Variants in PRKN observed in about 807,000 individuals in gnomAD.
PRKN encodes parkin RBR E3 ubiquitin protein ligase.
A neutral mutation model predicts 59.5 loss-of-function variants in PRKN; 56 were observed. The observed-to-expected ratio is 0.94, with a 90% CI of 0.76 to 1.18. PRKN has a LOEUF of 1.18. Ranked by LOEUF, PRKN falls within the 50% of genes most tolerant of loss-of-function variation. PRKN has a pLI of 0.00. For missense variants in PRKN, 657 were observed against 596.4 expected (o/e 1.10, Z -1.06); for synonymous variants, 250 against 222.1 (o/e 1.13, Z -1.12).
At chr6:162,709,699 G>A (rs193140403) in intron 1 of PRKN, among the ~76,000 whole-genome samples, 1 of 152,216 alleles carries the variant, frequency 6.6e-6, no homozygotes, top group Admixed American at 6.5e-5. Flanking sequence ...AACAGTAACT[G>A]GCTAAAATGT....
intron 7 of PRKN, among the ~76,000 whole-genome samples, chr6:161,716,480 C>T (rs6921599): frequency 2.0e-5 from 3 of 152,092 alleles, no homozygotes; most frequent in East Asian, 1.9e-4. Context: ...ATGCTCTTAC[C>T]GTCTCAGCCC....
At chr6:162,537,327 G>A (rs981710637) in intron 1 of PRKN, among the ~76,000 whole-genome samples, 7 of 152,068 alleles carry the variant, frequency 4.6e-5, no homozygotes, top group African/African-American at 1.7e-4. Context: ...ACCTCACTCC[G>A]TAGCCTAAAG....
At chr6:161,874,400 AATATTATATATAAAATAT>A (rs1161545389) in intron 6 of PRKN, among the ~76,000 whole-genome samples, 5,032 of 87,602 alleles carry the variant, frequency 0.057, 140 homozygotes, top group Non-Finnish European at 0.072. Flanking sequence ...TTATATGTAA[AATATTATATATAAAATAT>A]ATATTATATG....
intron 3 of PRKN, among the ~76,000 whole-genome samples, chr6:162,208,544 C>A (rs1785055521): frequency 6.6e-6 from 1 of 152,014 alleles, no homozygotes; most frequent in Non-Finnish European, 1.5e-5. Flanking sequence ...TTTCATTTTT[C>A]ATTTTGAAAA....
intron 6 of PRKN, among the ~76,000 whole-genome samples, chr6:161,796,859 C>T (rs961609700): frequency 3.9e-5 from 6 of 152,186 alleles, no homozygotes; most frequent in Admixed American, 1.3e-4. Flanking sequence ...CTAACTCATG[C>T]ACATATCTTG....
chr6:161,810,485 A>G (rs945565170), intron 6 of PRKN, among the ~76,000 whole-genome samples: 5 of 152,214 alleles, frequency 3.3e-5, no homozygotes, highest in African/African-American at 1.2e-4. Context: ...CTTAAAATTT[A>G]GAGATAAGAG....
chr6:162,496,621 C>T (rs1313717430), intron 1 of PRKN, among the ~76,000 whole-genome samples: 3 of 152,200 alleles, frequency 2.0e-5, no homozygotes, highest in African/African-American at 7.2e-5. Flanking sequence ...GGCTTATACA[C>T]ATGCGTGCAA....
intron 1 of PRKN, among the ~76,000 whole-genome samples, chr6:162,697,536 C>T (rs1429420204): frequency 6.6e-6 from 1 of 151,992 alleles, no homozygotes; most frequent in Non-Finnish European, 1.5e-5. Flanking sequence ...CAGGTTCCAC[C>T]AGATATAGGC....
At position 161,396,988 on chromosome 6, in the gene PRKN, G is replaced by C. The variant is rs1478179905; in HGVS notation, c.1084-10111C>G. The stretch of plus-strand genomic sequence containing the variant: ...TTAACCCTTTATTGTATGTTGAGCA[G>C]TCTCATAGGTGCCCTGCAGGTATAC... On this transcript the variant is annotated intron_variant, in intron 9 of 11. Transcript: ENST00000366898. The surrounding 1 kb of genome is among the most constrained non-coding windows in gnomAD (Gnocchi z 5.4). Among the ~76,000 whole-genome samples, 1 of 152,184 alleles carries C rather than the reference G, an allele frequency of 6.6e-6. No homozygotes were observed. Among genetic ancestry groups the C allele is most frequent in the Non-Finnish European group, 1.5e-5 (1 of 68,046 alleles).
intron 2 of PRKN, among the ~76,000 whole-genome samples, chr6:162,409,870 T>A (rs748481420): frequency 9.2e-5 from 14 of 152,142 alleles, no homozygotes; most frequent in Non-Finnish European, 2.1e-4. Flanking sequence ...AGTAGTTCAG[T>A]CACATGGGAG....
chr6:161,551,753 T>C lies in PRKN; in HGVS notation c.934-2750A>G, dbSNP rs1044824055. ...AGCAGAGATCGGGGAGGCCATTGGATAGGACTCTGGGGTTGTAAAGGATTT... is the reference window on the plus strand; with the variant it reads ...AGCAGAGATCGGGGAGGCCATTGGACAGGACTCTGGGGTTGTAAAGGATTT... On this transcript the variant is annotated intron_variant, in intron 8 of 11. Coordinates refer to ENST00000366898, the MANE Select transcript of PRKN (RefSeq NM_004562.3). This position sits in a 1 kb window ranked among gnomAD's most constrained non-coding sequence, Gnocchi z 5.2. Among the ~76,000 whole-genome samples, 6 of 152,114 alleles carry C rather than the reference T, an allele frequency of 3.9e-5. No homozygotes were observed. Among genetic ancestry groups the C allele is most frequent in the African/African-American group, 1.4e-4 (6 of 41,414 alleles).
At chr6:162,055,727 G>A (rs1356978683) in intron 4 of PRKN, among the ~76,000 whole-genome samples, 2 of 152,122 alleles carry the variant, frequency 1.3e-5, no homozygotes, top group African/African-American at 2.4e-5. Flanking sequence ...TACTACCGAC[G>A]ACGTTTGGAC....
intron 1 of PRKN, among the ~76,000 whole-genome samples, chr6:162,708,542 A>C (rs1301318718): frequency 2.0e-5 from 3 of 152,370 alleles, no homozygotes; most frequent in Admixed American, 6.5e-5. Context: ...CTGATTCTTA[A>C]CAGTGATGAA....
intron 2 of PRKN, among the ~76,000 whole-genome samples, chr6:162,346,903 A>T (rs1784426586): frequency 6.6e-6 from 1 of 151,898 alleles, no homozygotes; most frequent in Non-Finnish European, 1.5e-5. Context: ...ATATGTGTCT[A>T]TATCTATTTC....
At chr6:162,080,843 A>G (rs959493975) in intron 4 of PRKN, among the ~76,000 whole-genome samples, 3 of 152,052 alleles carry the variant, frequency 2.0e-5, no homozygotes, top group Admixed American at 1.3e-4. Flanking sequence ...GAACCTTCAA[A>G]ACTGGAGTCA....
At chr6:161,974,522 T>G (rs1780951047) in intron 5 of PRKN, among the ~76,000 whole-genome samples, 1 of 152,190 alleles carries the variant, frequency 6.6e-6, no homozygotes, top group Non-Finnish European at 1.5e-5. Flanking sequence ...TTCTTCACTT[T>G]TTTCTGTTCT....
At chr6:162,200,823 C>A (rs1176869853) in intron 4 of PRKN, among the ~76,000 whole-genome samples, 3 of 152,158 alleles carry the variant, frequency 2.0e-5, no homozygotes, top group Admixed American at 6.5e-5. Context: ...ATGGTCCCTT[C>A]TAATCACACC....
chr6:161,500,954 C>A (rs545751773), intron 9 of PRKN, among the ~76,000 whole-genome samples: 1 of 149,000 alleles, frequency 6.7e-6, no homozygotes, highest in South Asian at 2.1e-4. Context: ...TGGCTCACTG[C>A]AACCTCCGCC....
At chr6:162,043,244 C>T (rs1784131771) in intron 5 of PRKN, among the ~76,000 whole-genome samples, 1 of 152,142 alleles carries the variant, frequency 6.6e-6, no homozygotes, top group Admixed American at 6.5e-5. Flanking sequence ...AGACACAATT[C>T]AAGCTGAGAT....
Sources: gnomAD v4.1 joint callset for allele counts (sites outside exome capture counted in the v4.1 genomes callset) on GRCh38, gnomAD v4.1.1 for gene constraint, Gnocchi (gnomAD v3.1) non-coding constraint, MANE v1.5 for transcripts, NCBI Gene and HGNC (gene_info 2026-07-23, HGNC 2026-07-21) for gene names.